The following FAM90A26 variants were observed in gnomAD, a reference collection of about 807,000 sequenced individuals.
FAM90A26 encodes the protein family with sequence similarity 90 member A26.
exon 7 of FAM90A26, chr4:9,175,399 C>G: frequency 3.5e-6 from 1 of 281,844 alleles, no homozygotes. Flanking sequence ...CTGCGGCCGA[C>G]ATCCCTCAGC....
rs562971349 is a variant in FAM90A26 at position 9,174,581 on chromosome 4, T to C, written c.432+25T>C. ...GGTGAGTGTCACTCTGGGCCCCTGG[T>C]CTTTTTGTCTTCTAGGTCACGCTGG... On this transcript the variant is annotated intron_variant, in intron 6 of 6. Coordinates refer to ENST00000512047, the Ensembl canonical transcript of FAM90A26. 1.1e-4 allele frequency: 17 copies of C among 148,674 alleles called. 8 individuals carry two copies. The highest frequency in any genetic ancestry group is 2.0e-4 in the Non-Finnish European group (15 of 76,890). The allele number at this position is 148,674 out of a possible 1,614,324, so 9.2% of individuals were successfully genotyped here. A position where few individuals can be genotyped will look rare whatever the true frequency, so the allele number is the denominator to read the frequency against.
At chr4:9,175,833 C>T in exon 7 of FAM90A26, 1 of 189,756 alleles carries the variant, frequency 5.3e-6, no homozygotes, top group South Asian at 4.7e-5. Context: ...AGGACACCCG[C>T]CCAGGTGTCC....
rs1185614698 is a variant in FAM90A26 at position 9,175,484 on chromosome 4, C to T, written c.712C>T (p.Arg238Ter). The change falls in exon 7 of 7, where the codon CGA becomes TGA. Residue 238 changes from arginine (R) to a stop codon, truncating the protein, a stop_gained. Coordinates refer to ENST00000512047, the Ensembl canonical transcript of FAM90A26. LOFTEE classifies it low-confidence loss of function (END_TRUNC). Reference sequence around the variant, plus strand: ...ACACAGCAGCCCTGAGGGTGGCTGCCGAGAAGTTCCCCAGGCTGCCTCCAA... The same window carrying T: ...ACACAGCAGCCCTGAGGGTGGCTGCTGAGAAGTTCCCCAGGCTGCCTCCAA... 3.5e-6 allele frequency: 1 copy of T among 282,156 alleles called. No homozygotes were observed. The highest frequency in any genetic ancestry group is 6.3e-5 in the Admixed American group (1 of 15,900). The allele number at this position is 282,156 out of a possible 1,614,324, so 17.5% of individuals were successfully genotyped here.
Position 9,174,539 on chromosome 4 carries a change from T to G in FAM90A26, c.415T>G (p.Ser139Ala). ...GCCAAATCGAAAAGGATCCACGGAA[T>G]CTTCTGTTTATCTGAGGGTGAGTGT... The change falls in exon 6 of 7, where the codon TCT (serine) becomes GCT (alanine). Residue 139 changes from serine (S) to alanine (A), a missense_variant. Ser to Ala is a moderately conservative substitution (Grantham distance 99). Coordinates refer to ENST00000512047, the Ensembl canonical transcript of FAM90A26. 2 of 181,284 alleles carry G rather than the reference T, an allele frequency of 1.1e-5. 1 individual carries two copies. 11.2% of individuals were successfully genotyped at this position (181,284 alleles called of 1,614,324 possible). A position where few individuals can be genotyped will look rare whatever the true frequency, so the allele number is the denominator to read the frequency against.
exon 7 of FAM90A26, chr4:9,175,913 C>T: frequency 3.8e-6 from 1 of 263,506 alleles, no homozygotes. Flanking sequence ...CATGTCCCAT[C>T]ACCCAGCGAC....
chr4:9,175,392 C>A lies in FAM90A26; in HGVS notation c.620C>A (p.Ala207Glu), dbSNP rs1193729801. 1.1e-5 allele frequency: 3 copies of A among 280,566 alleles called. 1 individual carries two copies. The South Asian group carries it at 1.2e-4, about 11-fold the overall frequency. 17.4% of individuals were successfully genotyped at this position (280,566 alleles called of 1,614,324 possible). Residue 207 changes from alanine (A) to glutamate (E), a missense_variant, in exon 7 of 7, where the codon GCG becomes GAG. Transcript: ENST00000512047. ...CCAAAGGAAAGACAGACAGGGGCTG[C>A]GGCCGACATCCCTCAGCCTGCAGTC...
Position 9,176,238 on chromosome 4 carries a change from T to G in FAM90A26, c.*71T>G, listed in dbSNP as rs180962048. On this transcript the variant is annotated 3_prime_UTR_variant, in exon 7 of 7. Coordinates refer to ENST00000512047, the Ensembl canonical transcript of FAM90A26. ...GGAGGGGACTGTGGGACTGAGGAGC[T>G]CAGAGCAGAGAGCAGACTCTGTGCG... 3.2e-4 allele frequency: 47 copies of G among 148,428 alleles called. 22 individuals are homozygous for G. The highest frequency in any genetic ancestry group is 2.2e-3 in the African/African-American group (12 of 5,460). 9.2% of individuals were successfully genotyped at this position (148,428 alleles called of 1,614,324 possible).
At chr4:9,170,468 C>A in exon 1 of FAM90A26, 1 of 89,390 alleles carries the variant, frequency 1.1e-5, no homozygotes, top group Non-Finnish European at 2.1e-5. Context: ...GCACCCTGAC[C>A]CTGAGGCATA....
Sources: allele counts gnomAD v4.1 joint callset, GRCh38; gene constraint gnomAD v4.1.1; transcripts MANE v1.5; gene names NCBI Gene and HGNC (gene_info 2026-07-23, HGNC 2026-07-21).